Variants in VPS13D observed in about 807,000 individuals in gnomAD.
VPS13D encodes the protein vacuolar protein sorting 13 homolog D, also known as intermembrane lipid transfer protein VPS13D.
Under a neutral mutation model 461.9 loss-of-function variants are expected in VPS13D, and 187 were observed. That is an observed-to-expected ratio of 0.40 (90% CI 0.36 to 0.46). The LOEUF is 0.46. Among genes scored for constraint, VPS13D ranks in the 20% least tolerant of loss-of-function variants. The pLI is 0.60. For missense variants in VPS13D, 4,711 were observed against 5,364.9 expected (o/e 0.88, Z 3.81); for synonymous variants, 1,951 against 1,986.3 (o/e 0.98, Z 0.47).
chr1:12,240,311 C>T (rs1246106461), intron 2 of VPS13D, among the ~76,000 whole-genome samples: 1 of 151,922 alleles, frequency 6.6e-6, no homozygotes, highest in Admixed American at 6.6e-5. Flanking sequence ...TAAGGTGGTT[C>T]GGGCTGGGTG....
chr1:12,311,779 C>G (rs530954309), intron 28 of VPS13D, 34 bp from the exon 29 acceptor site: 3 of 1,597,816 alleles, frequency 1.9e-6, no homozygotes, highest in East Asian at 4.5e-5. Context: ...ATGGCATCAT[C>G]AGCTGTGGAT....
At chr1:12,319,664 T>C (rs1189720103) in intron 32 of VPS13D, 34 bp downstream of exon 32, 3 of 1,613,420 alleles carry the variant, frequency 1.9e-6, no homozygotes, top group African/African-American at 1.3e-5. Flanking sequence ...CAGCACTGCG[T>C]GTTGGCTCAC....
chr1:12,437,140 G>A (rs1645072979), intron 65 of VPS13D, among the ~76,000 whole-genome samples: 1 of 152,088 alleles, frequency 6.6e-6, no homozygotes, highest in Admixed American at 6.5e-5. Context: ...ACCAAGTCAT[G>A]GCTTGTTTGC....
At chr1:12,488,811 G>A (rs1025256735) in intron 67 of VPS13D, among the ~76,000 whole-genome samples, 9 of 152,140 alleles carry the variant, frequency 5.9e-5, no homozygotes, top group African/African-American at 1.9e-4. Flanking sequence ...GAAATATCTT[G>A]GGATTGGCAT....
At position 12,473,860 on chromosome 1, in the gene VPS13D, C is replaced by T. The variant is rs1385862044; in HGVS notation, c.12662+13464C>T. Among the ~76,000 whole-genome samples the T allele has an allele frequency of 6.6e-6, 1 of 152,116 alleles. No homozygotes were observed. ...AAATGAACAGTTGAACTCAGGCCAC[C>T]AAACCTGGTTGAGTTGCTGGGTGGA... On this transcript the variant is annotated intron_variant, in intron 67 of 69. Transcript: ENST00000620676. This position sits in a 1 kb window ranked among gnomAD's most constrained non-coding sequence, Gnocchi z 4.2.
At chr1:12,481,056 C>T (rs904414666) in intron 67 of VPS13D, among the ~76,000 whole-genome samples, 7 of 152,200 alleles carry the variant, frequency 4.6e-5, no homozygotes, top group Non-Finnish European at 1.0e-4. Context: ...GCCCCCAGGT[C>T]CAGAGGGAGA....
chr1:12,256,898 T>C, intron 8 of VPS13D, 89 bp from the exon 9 acceptor site: 1 of 1,361,264 alleles, frequency 7.3e-7, no homozygotes. Context: ...GATCAACTAA[T>C]GTGAATTGTT....
At chr1:12,309,469 C>T (rs1170810696) in intron 27 of VPS13D, among the ~76,000 whole-genome samples, 6 of 151,102 alleles carry the variant, frequency 4.0e-5, no homozygotes, top group East Asian at 3.9e-4. Flanking sequence ...TTGGCATGCC[C>T]GCCTTGGCAT....
At chr1:12,381,930 CTTTCTTT>C (rs1644281612) in intron 57 of VPS13D, among the ~76,000 whole-genome samples, 1 of 78,548 alleles carries the variant, frequency 1.3e-5, no homozygotes, top group Non-Finnish European at 2.4e-5. Context: ...TCTTTTCTTT[CTTTCTTT>C]CTTTCTTTCT....
At chr1:12,258,192 A>AT in intron 10 of VPS13D, 89 bp downstream of exon 10, 3 of 1,505,324 alleles carry the variant, frequency 2.0e-6, no homozygotes, top group Non-Finnish European at 1.8e-6. Context: ...TCTGTGAAGT[A>AT]ATAAAGTCCC....
intron 60 of VPS13D, among the ~76,000 whole-genome samples, chr1:12,391,436 G>A (rs1048872661): frequency 2.0e-5 from 3 of 152,144 alleles, no homozygotes; most frequent in African/African-American, 7.2e-5. Context: ...AGGCATTTGA[G>A]CCACTTCCTC....
At chr1:12,418,646 A>G (rs1644825332) in intron 65 of VPS13D, among the ~76,000 whole-genome samples, 1 of 152,230 alleles carries the variant, frequency 6.6e-6, no homozygotes, top group Admixed American at 6.5e-5. Context: ...TGTGAGAACA[A>G]AATAAGGTAT....
intron 60 of VPS13D, among the ~76,000 whole-genome samples, chr1:12,394,479 C>T (rs114356376): frequency 1.3e-5 from 2 of 152,308 alleles, no homozygotes; most frequent in African/African-American, 4.8e-5. Context: ...AACCTGCCAC[C>T]TCGGGATCCA....
At chr1:12,491,405 A>G (rs1044252168) in intron 67 of VPS13D, among the ~76,000 whole-genome samples, 1 of 152,248 alleles carries the variant, frequency 6.6e-6, no homozygotes, top group African/African-American at 2.4e-5. Context: ...ATCTGTCTTA[A>G]CTAACAGACC....
intron 2 of VPS13D, among the ~76,000 whole-genome samples, chr1:12,236,649 C>G (rs1476135173): frequency 6.6e-6 from 1 of 152,146 alleles, no homozygotes; most frequent in Non-Finnish European, 1.5e-5. Flanking sequence ...TCCCAAAGTG[C>G]TGGGATTACA....
chr1:12,421,530 T>G (rs1644863320), intron 65 of VPS13D, among the ~76,000 whole-genome samples: 1 of 152,214 alleles, frequency 6.6e-6, no homozygotes, highest in Non-Finnish European at 1.5e-5. Flanking sequence ...ATTTCCTCTC[T>G]TATAGACTCT....
rs1431822366 is a variant in VPS13D at position 12,275,725 on chromosome 1, CTG to C, written c.2237-99_2237-98del. ...GTTTTCCTCAGTTTTCTTAAACAAACTGGGGTTGGTTGATTCTCTACCTTTCA... is the reference window on the plus strand; with the variant it reads ...GTTTTCCTCAGTTTTCTTAAACAAACGGGTTGGTTGATTCTCTACCTTTCA... On this transcript the variant is annotated intron_variant, in intron 18 of 69. Coordinates refer to ENST00000620676, the MANE Select transcript of VPS13D (RefSeq NM_015378.4). 1.1e-5 allele frequency: 13 copies of C among 1,227,324 alleles called. No homozygotes were observed. The African/African-American group carries it at 1.1e-4, about 10-fold the overall frequency. The allele number at this position is 1,227,324 out of a possible 1,614,324, so 76.0% of individuals were successfully genotyped here.
chr1:12,253,279 C>T (rs9430216), intron 6 of VPS13D, among the ~76,000 whole-genome samples: 13,048 of 152,014 alleles, frequency 0.086, 985 homozygotes, highest in African/African-American at 0.19. Context: ...GTAGGTTATA[C>T]GCAAATACTA....
chr1:12,258,881 C>G (rs1048527412), intron 10 of VPS13D, among the ~76,000 whole-genome samples: 5 of 152,184 alleles, frequency 3.3e-5, no homozygotes, highest in African/African-American at 1.2e-4. Context: ...TGCTGAAGCC[C>G]TAGTGGTTAG....
Sources: allele counts gnomAD v4.1 joint callset (sites outside exome capture counted in the v4.1 genomes callset), GRCh38; gene constraint gnomAD v4.1.1; non-coding constraint Gnocchi (gnomAD v3.1); transcripts MANE v1.5; gene names NCBI Gene and HGNC (gene_info 2026-07-23, HGNC 2026-07-21).